The following HECW2 variants were observed in gnomAD, a reference collection of about 807,000 sequenced individuals.
HECW2 encodes E3 ubiquitin-protein ligase HECW2.
Under a neutral mutation model 175.2 loss-of-function variants are expected in HECW2, and 61 were observed. That is an observed-to-expected ratio of 0.35 (90% CI 0.28 to 0.43). The LOEUF is 0.43. Among genes scored for constraint, HECW2 ranks in the 20% least tolerant of loss-of-function variants. HECW2 has a pLI of 1.00. For missense variants in HECW2, 1,524 were observed against 2,000.5 expected (o/e 0.76, Z 4.54); for synonymous variants, 671 against 731.0 (o/e 0.92, Z 1.32).
At chr2:196,338,677 C>A (rs1208867432) in intron 3 of HECW2, among the ~76,000 whole-genome samples, 1 of 152,038 alleles carries the variant, frequency 6.6e-6, no homozygotes, top group East Asian at 1.9e-4. Flanking sequence ...CTGGATTTTC[C>A]CCAAGTTTCT....
chr2:196,525,414 G>A (rs1688602701), intron 1 of HECW2, among the ~76,000 whole-genome samples: 1 of 147,678 alleles, frequency 6.8e-6, no homozygotes, highest in East Asian at 2.0e-4. Context: ...ACACTGATGG[G>A]TCTTGACTCT....
chr2:196,367,041 G>A (rs1470746140), intron 2 of HECW2, among the ~76,000 whole-genome samples: 1 of 152,128 alleles, frequency 6.6e-6, no homozygotes, highest in Admixed American at 6.6e-5. Context: ...TTCCAATAAT[G>A]CTTTGCATAT....
intron 2 of HECW2, among the ~76,000 whole-genome samples, chr2:196,421,207 T>C (rs1185926487): frequency 2.0e-5 from 3 of 152,080 alleles, no homozygotes; most frequent in African/African-American, 7.2e-5. Flanking sequence ...ATAAATAAGA[T>C]GTTGTAAAAA....
intron 1 of HECW2, among the ~76,000 whole-genome samples, chr2:196,592,998 C>G (rs1169595583): frequency 6.6e-6 from 1 of 151,732 alleles, no homozygotes; most frequent in Non-Finnish European, 1.5e-5. Context: ...TCCCCGACCC[C>G]GAGACCGCGA....
intron 1 of HECW2, among the ~76,000 whole-genome samples, chr2:196,474,260 C>A (rs758767822): frequency 1.3e-5 from 2 of 152,100 alleles, no homozygotes; most frequent in Non-Finnish European, 2.9e-5. Flanking sequence ...TATTCAATAT[C>A]TTTTGGGGAC....
chr2:196,240,299 A>G, intron 21 of HECW2, 150 bp downstream of exon 21: 1 of 161,444 alleles, frequency 6.2e-6, no homozygotes, highest in Non-Finnish European at 1.3e-5. Context: ...GGAGACCTTT[A>G]AAAAAAAAAA....
intron 2 of HECW2, among the ~76,000 whole-genome samples, chr2:196,401,461 G>C (rs563713838): frequency 6.6e-6 from 1 of 151,970 alleles, no homozygotes; most frequent in East Asian, 1.9e-4. Context: ...TCTTTCCTTT[G>C]GTGAAGAAAG....
chr2:196,558,276 TAGAG>T (rs1324515662), intron 1 of HECW2, among the ~76,000 whole-genome samples: 1 of 152,078 alleles, frequency 6.6e-6, no homozygotes, highest in African/African-American at 2.4e-5. Context: ...GATTCAGAGA[TAGAG>T]AGAGAAAAGT....
chr2:196,410,503 G>T (rs1455720573), intron 2 of HECW2, among the ~76,000 whole-genome samples: 1 of 152,048 alleles, frequency 6.6e-6, no homozygotes, highest in Non-Finnish European at 1.5e-5. Flanking sequence ...AAACAAAAAG[G>T]GGGGAGTTTT....
At position 196,220,950 on chromosome 2, in the gene HECW2, A is replaced by G; in HGVS notation, c.4147-9T>C. On this transcript the variant is annotated splice_polypyrimidine_tract_variant and intron_variant, in intron 24 of 28. Transcript: ENST00000644978. Reference sequence around the variant, plus strand: ...AATTCTCGTTCAGTTATCTGAGATTACAAAATAAAAAGAATGACTACAAAG... The same window carrying G: ...AATTCTCGTTCAGTTATCTGAGATTGCAAAATAAAAAGAATGACTACAAAG... 1 of 1,613,522 alleles carries G rather than the reference A, an allele frequency of 6.2e-7. No individual in the cohort carries two copies. The highest frequency in any genetic ancestry group is 8.5e-7 in the Non-Finnish European group (1 of 1,179,566).
chr2:196,340,072 C>G (rs561941173), intron 3 of HECW2, among the ~76,000 whole-genome samples: 187 of 152,196 alleles, frequency 1.2e-3, no homozygotes, highest in African/African-American at 3.9e-3. Context: ...GATTTTTAAA[C>G]CTTTGTTTGG....
intron 14 of HECW2, among the ~76,000 whole-genome samples, chr2:196,281,635 C>T (rs1393980562): frequency 1.7e-5 from 2 of 114,844 alleles, no homozygotes; most frequent in African/African-American, 3.7e-5. Flanking sequence ...CAGAGTGAGA[C>T]CCCGTCTCAA....
At chr2:196,522,555 T>C (rs1361131460) in intron 1 of HECW2, among the ~76,000 whole-genome samples, 1 of 152,106 alleles carries the variant, frequency 6.6e-6, no homozygotes, top group Admixed American at 6.6e-5. Flanking sequence ...TCCTTGCCCA[T>C]GCCTATGTCC....
intron 2 of HECW2, among the ~76,000 whole-genome samples, chr2:196,360,854 TTA>T (rs1424154528): frequency 6.6e-6 from 1 of 152,208 alleles, no homozygotes; most frequent in Non-Finnish European, 1.5e-5. Context: ...ATGTAAGTCT[TTA>T]CTAAATCTTC....
At chr2:196,393,968 CA>C (rs1487764735) in intron 2 of HECW2, among the ~76,000 whole-genome samples, 2 of 152,142 alleles carry the variant, frequency 1.3e-5, no homozygotes, top group East Asian at 3.8e-4. Context: ...GAATACTATG[CA>C]GCCATAAAAA....
At chr2:196,350,278 C>A (rs1283787503) in intron 2 of HECW2, among the ~76,000 whole-genome samples, 1 of 152,070 alleles carries the variant, frequency 6.6e-6, no homozygotes, top group Non-Finnish European at 1.5e-5. Flanking sequence ...GGCAGGAGAA[C>A]TGCTTGAACC....
intron 1 of HECW2, among the ~76,000 whole-genome samples, chr2:196,568,494 A>G (rs532434043): frequency 5.3e-5 from 8 of 152,300 alleles, no homozygotes; most frequent in African/African-American, 1.4e-4. Flanking sequence ...TGATTTTTCA[A>G]TTTTACCATG....
chr2:196,409,613 A>G (rs564380860), intron 2 of HECW2, among the ~76,000 whole-genome samples: 115 of 152,318 alleles, frequency 7.5e-4, no homozygotes, highest in African/African-American at 2.7e-3. Flanking sequence ...TTTTAGTTGC[A>G]TGAAAGAAAG....
chr2:196,299,958 T>C (rs940724782), intron 13 of HECW2, among the ~76,000 whole-genome samples: 3 of 151,932 alleles, frequency 2.0e-5, no homozygotes, highest in African/African-American at 7.2e-5. Context: ...CGCAGCCTTA[T>C]ACCACAACTC....
Sources: gnomAD v4.1 joint callset for allele counts (sites outside exome capture counted in the v4.1 genomes callset) on GRCh38, gnomAD v4.1.1 for gene constraint, MANE v1.5 for transcripts, NCBI Gene and HGNC (gene_info 2026-07-23, HGNC 2026-07-21) for gene names.